FSD1L: variants seen among roughly 807,000 people sequenced by gnomAD.
The protein encoded by FSD1L is FSD1-like protein.
Under a neutral mutation model 71.6 loss-of-function variants are expected in FSD1L, and 45 were observed. That is an observed-to-expected ratio of 0.63 (90% CI 0.49 to 0.81). The LOEUF is 0.81. Ranked by LOEUF, FSD1L falls within the 30% of genes least tolerant of loss-of-function variation. The pLI is 0.00. For missense variants in FSD1L, 561 were observed against 618.1 expected (o/e 0.91, Z 0.98); for synonymous variants, 197 against 207.2 (o/e 0.95, Z 0.42).
intron 13 of FSD1L, among the ~76,000 whole-genome samples, chr9:105,541,465 CATGT>C (rs1213605462): frequency 6.6e-6 from 1 of 151,952 alleles, no homozygotes; most frequent in East Asian, 1.9e-4. Context: ...GAATCTATCT[CATGT>C]ATGTATGTAC....
At chr9:105,526,174 G>C in intron 10 of FSD1L, 6 of 1,591,178 alleles carry the variant, frequency 3.8e-6, no homozygotes, top group Non-Finnish European at 5.2e-6. Flanking sequence ...TAGAGCAACA[G>C]CTATAAATGC....
Position 105,481,252 on chromosome 9 carries a change from A to T in FSD1L, c.464+1876A>T, listed in dbSNP as rs796880631. On this transcript the variant is annotated intron_variant, in intron 6 of 13. Coordinates refer to ENST00000481272, the MANE Select transcript of FSD1L (RefSeq NM_001145313.3). ...TTTTGTGATCCCCTGCAGAATTTTT[A>T]CTTCCTGCCCGAGGAACATTTCTGA... is the stretch of plus-strand genomic sequence containing the variant. 2.3e-4 allele frequency among the ~76,000 whole-genome samples: 21 copies of T among 92,118 alleles called. No homozygotes were observed. The Middle Eastern group carries it at 0.028, about 124-fold the overall frequency. The allele number at this position is 92,118 out of a possible 152,430, so 60.4% of individuals were successfully genotyped here.
chr9:105,452,669 G>GCCTTCCTGCCTTCCTTCCTTCCTT (rs1830102322), intron 1 of FSD1L, among the ~76,000 whole-genome samples: 2 of 96,172 alleles, frequency 2.1e-5, no homozygotes, highest in African/African-American at 8.5e-5. Context: ...CTGCCTGCCT[G>GCCTTCCTGCCTTCCTTCCTTCCTT]CCTTCCTTCC....
At chr9:105,487,492 G>A (rs895048012) in intron 7 of FSD1L, among the ~76,000 whole-genome samples, 1 of 151,380 alleles carries the variant, frequency 6.6e-6, no homozygotes, top group Non-Finnish European at 1.5e-5. Flanking sequence ...ATTTCTTTAA[G>A]TATGAATGAG....
chr9:105,462,469 C>T (rs2131606263), intron 2 of FSD1L, among the ~76,000 whole-genome samples: 1 of 150,954 alleles, frequency 6.6e-6, no homozygotes, highest in Middle Eastern at 3.4e-3. Flanking sequence ...GATCCACCCG[C>T]CTCAGCATCC....
chr9:105,484,492 G>A lies in FSD1L; in HGVS notation c.576G>A (p.Lys192=). The part of the protein sequence containing the change: ...SQERQMLQTL[K]FLPVPKAPEI... ...AAAGACAGATGCTGCAAACTTTGAA[G>A]TTTTTGCCAGGTAAATACATGTATT... Residue 192 remains lysine (K), a synonymous_variant, in exon 7 of 14, where the codon AAG becomes AAA. Coordinates refer to ENST00000481272, the MANE Select transcript of FSD1L (RefSeq NM_001145313.3). 1 of 1,515,744 alleles carries A rather than the reference G, an allele frequency of 6.6e-7. No individual in the cohort carries two copies. The highest frequency in any genetic ancestry group is 8.8e-7 in the Non-Finnish European group (1 of 1,132,752). 93.9% of individuals were successfully genotyped at this position (1,515,744 alleles called of 1,614,324 possible). A position where few individuals can be genotyped will look rare whatever the true frequency, so the allele number is the denominator to read the frequency against.
rs565911480 is a variant in FSD1L at position 105,524,717 on chromosome 9, G to A, written c.1026-9776G>A. On this transcript the variant is annotated intron_variant, in intron 10 of 13. Transcript: ENST00000481272. ...ACTCAGAACGATCTTCTAAACTCCA[G>A]CCAGTAACAGAAGTGAAAACTCAAA... is the stretch of plus-strand genomic sequence containing the variant. 189 of 1,613,876 alleles carry A rather than the reference G, an allele frequency of 1.2e-4. 1 individual carries two copies. In the South Asian group the frequency reaches 1.4e-3, roughly 12 times the overall value.
intron 13 of FSD1L, 141 bp downstream of exon 13, chr9:105,539,492 C>T: frequency 2.3e-6 from 1 of 429,896 alleles, no homozygotes; most frequent in Non-Finnish European, 4.1e-6. Context: ...CCCAATTCAC[C>T]CTCTCCCAAA....
At chr9:105,538,337 A>G (rs1836394623) in intron 12 of FSD1L, among the ~76,000 whole-genome samples, 3 of 152,242 alleles carry the variant, frequency 2.0e-5, no homozygotes, top group East Asian at 3.8e-4. Context: ...CTACATAATA[A>G]TGTGCATAAA....
At chr9:105,448,267 A>C in intron 1 of FSD1L, 32 bp downstream of exon 1, 1 of 1,503,690 alleles carries the variant, frequency 6.7e-7, no homozygotes, top group Non-Finnish European at 8.9e-7. Context: ...GGGGCTACCG[A>C]GACAAGCCGG....
At chr9:105,482,397 ATTAGGTAGTT>A in intron 6 of FSD1L, among the ~76,000 whole-genome samples, 1 of 152,174 alleles carries the variant, frequency 6.6e-6, no homozygotes, top group African/African-American at 2.4e-5. Context: ...AGTCAAGTTA[ATTAGGTAGTT>A]TGAGGAAATG....
At chr9:105,481,139 C>CTGTGTGTGTGTGTG (rs1564098251) in intron 6 of FSD1L, among the ~76,000 whole-genome samples, 1 of 75,516 alleles carries the variant, frequency 1.3e-5, no homozygotes, top group African/African-American at 6.3e-5. Flanking sequence ...TTCAGGCAAA[C>CTGTGTGTGTGTGTG]TCTGTGTGTG....
intron 7 of FSD1L, among the ~76,000 whole-genome samples, chr9:105,490,460 G>A (rs1007110916): frequency 3.9e-5 from 6 of 151,992 alleles, no homozygotes; most frequent in Non-Finnish European, 8.8e-5. Context: ...TAGGTTGCCT[G>A]TTCACTCTGA....
At chr9:105,449,448 TAAAAG>T (rs1212794458) in intron 1 of FSD1L, among the ~76,000 whole-genome samples, 1 of 152,150 alleles carries the variant, frequency 6.6e-6, no homozygotes, top group Non-Finnish European at 1.5e-5. Flanking sequence ...GCTTATTAGA[TAAAAG>T]AAATGATATT....
At chr9:105,449,781 G>GGAA (rs1829875943) in intron 1 of FSD1L, among the ~76,000 whole-genome samples, 1 of 152,038 alleles carries the variant, frequency 6.6e-6, no homozygotes, top group African/African-American at 2.4e-5. Flanking sequence ...ACTTTAATGA[G>GGAA]TTGTGACTCC....
intron 1 of FSD1L, among the ~76,000 whole-genome samples, chr9:105,461,317 A>G (rs559860723): frequency 2.0e-5 from 3 of 152,206 alleles, no homozygotes; most frequent in Admixed American, 6.5e-5. Flanking sequence ...TGAGATATGC[A>G]TAAGTGTAAA....
intron 1 of FSD1L, among the ~76,000 whole-genome samples, chr9:105,454,538 G>A (rs1830247076): frequency 6.6e-6 from 1 of 152,134 alleles, no homozygotes; most frequent in Admixed American, 6.6e-5. Context: ...CCTTGAGAAG[G>A]GTTGTTAGTT....
rs1837273966 is a variant in FSD1L, at chr9:105,551,787, T to C, written c.*5304T>C. On this transcript the variant is annotated 3_prime_UTR_variant, in exon 14 of 14. Transcript: ENST00000481272. Reference sequence around the variant, plus strand: ...AGTGTAGAATAGTGGCATAAATAAATGAATTAAGCTACATTTCCATGCAGG... The same window carrying C: ...AGTGTAGAATAGTGGCATAAATAAACGAATTAAGCTACATTTCCATGCAGG... The C allele has an allele frequency of 6.6e-6, 1 of 152,200 alleles. No homozygotes were observed. Among genetic ancestry groups the C allele is most frequent in the Admixed American group, 6.5e-5 (1 of 15,278 alleles). 9.4% of individuals were successfully genotyped at this position (152,200 alleles called of 1,614,324 possible).
chr9:105,521,631 T>C (rs941308661), intron 10 of FSD1L: 1 of 1,613,158 alleles, frequency 6.2e-7, no homozygotes, highest in African/African-American at 1.3e-5. Flanking sequence ...GATCACTTCT[T>C]CAGACCTCCC....
Sources: allele counts gnomAD v4.1 joint callset (sites outside exome capture counted in the v4.1 genomes callset), GRCh38; gene constraint gnomAD v4.1.1; transcripts MANE v1.5; gene names NCBI Gene and HGNC (gene_info 2026-07-23, HGNC 2026-07-21).